The following EXOC4 variants were observed in gnomAD, a reference collection of about 807,000 sequenced individuals.
The protein encoded by EXOC4 is exocyst complex component 4, also known as SEC8-like 1.
In EXOC4, 71 loss-of-function variants were observed where a neutral mutation model predicts 107.2. The ratio of observed to expected loss-of-function variants is 0.66; its 90% CI spans 0.55 to 0.81. EXOC4 has a LOEUF of 0.81. EXOC4 is among the 30% of genes least tolerant of loss of function. EXOC4 has a pLI of 0.00. For missense variants in EXOC4, 1,108 were observed against 1,189.6 expected (o/e 0.93, Z 1.01); for synonymous variants, 456 against 441.2 (o/e 1.03, Z -0.42).
intron 13 of EXOC4, among the ~76,000 whole-genome samples, chr7:133,931,481 A>G (rs1219817551): frequency 6.6e-6 from 1 of 152,190 alleles, no homozygotes; most frequent in African/African-American, 2.4e-5. Flanking sequence ...ACTCAGAAAT[A>G]AAAAAGTTAA....
intron 7 of EXOC4, among the ~76,000 whole-genome samples, chr7:133,446,353 T>C (rs905429412): frequency 6.6e-6 from 1 of 152,220 alleles, no homozygotes; most frequent in African/African-American, 2.4e-5. Context: ...TTTTTCGCCC[T>C]ACTCTGTGCT....
At position 133,553,034 on chromosome 7, in the gene EXOC4, A is replaced by G. The variant is rs545747742; in HGVS notation, c.1417+72896A>G. Among the ~76,000 whole-genome samples the G allele has an allele frequency of 3.0e-4, 45 of 152,234 alleles. 2 individuals are homozygous for G. The South Asian group carries it at 5.4e-3, about 18-fold the overall frequency. On this transcript the variant is annotated intron_variant, in intron 9 of 17. Coordinates refer to ENST00000253861, the MANE Select transcript of EXOC4 (RefSeq NM_021807.4). ...TTAACATGCACTGAGCTCCAGTACT[A>G]TCCTTGCCATTTACTAGTGGGTATG...
intron 11 of EXOC4, among the ~76,000 whole-genome samples, chr7:133,881,696 A>C (rs12535678): frequency 0.95 from 144,054 of 152,254 alleles, 68,245 homozygotes; most frequent in East Asian, 1. Flanking sequence ...ACTTATTTAT[A>C]TATTTAATCA....
In EXOC4 at chr7:133,436,069, TA is replaced by T. The variant is rs1160479846; in HGVS notation, c.1183-39256del. Among the ~76,000 whole-genome samples the T allele has an allele frequency of 4.5e-4, 69 of 152,150 alleles. No individual in the cohort carries two copies. The East Asian group carries it at 6.9e-3, about 15-fold the overall frequency. On this transcript the variant is annotated intron_variant, in intron 7 of 17. Coordinates refer to ENST00000253861, the MANE Select transcript of EXOC4 (RefSeq NM_021807.4). ...CAGTGTTTTTTTTTTTTTGTTTTTT[TA>T]AAGGAGATAGAATTTGCTCTTGCTA... is the stretch of plus-strand genomic sequence containing the variant.
At chr7:133,445,133 T>G (rs1383013407) in intron 7 of EXOC4, among the ~76,000 whole-genome samples, 1 of 152,190 alleles carries the variant, frequency 6.6e-6, no homozygotes, top group Non-Finnish European at 1.5e-5. Context: ...AGACAGCAAT[T>G]CTCAAAGTTT....
intron 2 of EXOC4, among the ~76,000 whole-genome samples, chr7:133,280,715 T>C (rs901207250): frequency 2.0e-5 from 3 of 152,230 alleles, no homozygotes; most frequent in Admixed American, 1.3e-4. Flanking sequence ...ACATTCATTA[T>C]TTGGTAGATA....
At chr7:133,576,351 T>A in intron 9 of EXOC4, 2 of 636,650 alleles carry the variant, frequency 3.1e-6, no homozygotes, top group South Asian at 1.9e-5. Flanking sequence ...AGATCACACC[T>A]TAAGAAAAGT....
At chr7:133,265,898 A>G (rs1234853348) in intron 1 of EXOC4, among the ~76,000 whole-genome samples, 1 of 152,200 alleles carries the variant, frequency 6.6e-6, no homozygotes, top group Non-Finnish European at 1.5e-5. Context: ...TAGGCAGCTA[A>G]TTCTTGTGGA....
chr7:133,632,444 A>G (rs1490213178), intron 10 of EXOC4, among the ~76,000 whole-genome samples: 2 of 152,216 alleles, frequency 1.3e-5, no homozygotes, highest in African/African-American at 4.8e-5. Context: ...TGGAGTTTAA[A>G]TTAGCCCTTG....
At chr7:133,419,464 G>C (rs1321787642) in intron 7 of EXOC4, among the ~76,000 whole-genome samples, 1 of 152,168 alleles carries the variant, frequency 6.6e-6, no homozygotes, top group Non-Finnish European at 1.5e-5. Context: ...CACCTGACTG[G>C]TGTTTTGATG....
chr7:133,488,922 A>G lies in EXOC4; in HGVS notation c.1417+8784A>G, dbSNP rs781004466. On this transcript the variant is annotated intron_variant, in intron 9 of 17. Transcript: ENST00000253861. ...TATATATAGAAATGTAAACATTTATAATGTAATATATATAAAATCTCTATA... is the reference window on the plus strand; with the variant it reads ...TATATATAGAAATGTAAACATTTATGATGTAATATATATAAAATCTCTATA... Among the ~76,000 whole-genome samples, 238 of 149,744 alleles carry G rather than the reference A, an allele frequency of 1.6e-3. 1 individual carries two copies. The highest frequency in any genetic ancestry group is 2.8e-3 in the Non-Finnish European group (191 of 67,482).
At chr7:133,710,355 G>A (rs183298617) in intron 10 of EXOC4, among the ~76,000 whole-genome samples, 35 of 151,596 alleles carry the variant, frequency 2.3e-4, no homozygotes, top group Admixed American at 2.3e-3. Flanking sequence ...ACAGAAACTA[G>A]TTGTGATAAA....
intron 11 of EXOC4, among the ~76,000 whole-genome samples, chr7:133,857,092 G>A (rs767019526): frequency 2.0e-4 from 23 of 115,784 alleles, no homozygotes; most frequent in South Asian, 2.6e-4. Flanking sequence ...GAGAGACTCC[G>A]TCTTTATATA....
intron 14 of EXOC4, among the ~76,000 whole-genome samples, chr7:133,963,720 G>C (rs1363162474): frequency 1.3e-5 from 2 of 152,184 alleles, no homozygotes; most frequent in Non-Finnish European, 2.9e-5. Context: ...AAAGTATATT[G>C]TCTTTTCATT....
intron 17 of EXOC4, among the ~76,000 whole-genome samples, chr7:134,011,240 G>A (rs1369167104): frequency 6.6e-6 from 1 of 151,876 alleles, no homozygotes; most frequent in Non-Finnish European, 1.5e-5. Flanking sequence ...TAGGAGTCCA[G>A]ATGGTGGCAG....
rs1167282434 is a variant in EXOC4, at chr7:134,065,193, T to C, written c.*665T>C. ...CAGGTTGTAGGTTGGTTTATTGCCA[T>C]TTTGTTTTATTTCTGCTGTATAAAA... On this transcript the variant is annotated 3_prime_UTR_variant, in exon 18 of 18. Coordinates refer to ENST00000253861, the MANE Select transcript of EXOC4 (RefSeq NM_021807.4). The C allele has an allele frequency of 1.3e-5, 2 of 152,496 alleles. No homozygotes were observed. Among genetic ancestry groups the C allele is most frequent in the Admixed American group, 1.3e-4 (2 of 15,282 alleles). 9.4% of individuals were successfully genotyped at this position (152,496 alleles called of 1,614,324 possible). A position where few individuals can be genotyped will look rare whatever the true frequency, so the allele number is the denominator to read the frequency against.
At chr7:133,559,883 T>C (rs952151779) in intron 9 of EXOC4, among the ~76,000 whole-genome samples, 5 of 152,214 alleles carry the variant, frequency 3.3e-5, no homozygotes, top group Non-Finnish European at 7.3e-5. Context: ...ACCTTCACTG[T>C]GTTCTGGAAA....
At chr7:134,067,632 TATATATACACAC>T (rs1339847960), downstream of EXOC4, among the ~76,000 whole-genome samples, 5 of 98,536 alleles carry the variant, frequency 5.1e-5, no homozygotes, top group African/African-American at 1.2e-4. Context: ...CTCTTATATA[TATATATACACAC>T]ACACACACAC....
chr7:133,808,794 G>A (rs139744779), intron 10 of EXOC4, among the ~76,000 whole-genome samples: 1 of 152,038 alleles, frequency 6.6e-6, no homozygotes, highest in Admixed American at 6.6e-5. Flanking sequence ...ATCTACCATG[G>A]TAGGGATTTT....
Sources: allele counts gnomAD v4.1 joint callset (sites outside exome capture counted in the v4.1 genomes callset), GRCh38; gene constraint gnomAD v4.1.1; transcripts MANE v1.5; gene names NCBI Gene and HGNC (gene_info 2026-07-23, HGNC 2026-07-21).